The following DKK4 variants were observed in gnomAD, a reference collection of about 807,000 sequenced individuals.
DKK4 encodes dickkopf-related protein 4.
A neutral mutation model predicts 14.5 loss-of-function variants in DKK4; 15 were observed. The ratio of observed to expected loss-of-function variants is 1.03; its 90% CI spans 0.69 to 1.59. The LOEUF (loss-of-function observed/expected upper bound fraction) is 1.59. Ranked by LOEUF, DKK4 falls within the 40% of genes most tolerant of loss-of-function variation. The pLI is 0.00. For synonymous variants in DKK4, 89 were observed against 105.2 expected (o/e 0.85, Z 0.94); for missense variants, 272 against 280.3 (o/e 0.97, Z 0.21).
Position 42,374,832 on chromosome 8 carries a change from G to T in DKK4, c.344C>A (p.Thr115Lys). The T allele has an allele frequency of 6.2e-7, 1 of 1,614,192 alleles. No homozygotes were observed. The highest frequency in any genetic ancestry group is 1.1e-5 in the South Asian group (1 of 91,076). ...GTTTTCCTGGACTGGGTGCCCAGTT[G>T]TTCCTTCTGCATGTGTGCCATCTTG... is the stretch of plus-strand genomic sequence containing the variant. ...DEQDGTHAEG[T>K]TGHPVQENQP... Residue 115 changes from threonine to lysine, a missense_variant, in exon 3 of 4, where the codon ACA becomes AAA. Coordinates refer to ENST00000220812, the MANE Select transcript of DKK4 (RefSeq NM_014420.3).
intron 2 of DKK4, 152 bp downstream of exon 2, chr8:42,375,528 A>C: frequency 9.3e-7 from 1 of 1,071,294 alleles, no homozygotes; most frequent in East Asian, 2.6e-5. Context: ...AGAAAAAAAA[A>C]AAAAAGGAAA....
chr8:42,386,570 T>C, the DKK4 span, among the ~76,000 whole-genome samples: 3 of 152,156 alleles, frequency 2.0e-5, no homozygotes, highest in Non-Finnish European at 2.9e-5. Context: ...CGGCTCACTG[T>C]AGCCTCAACC....
chr8:42,381,649 C>T (rs192671445), upstream of DKK4, among the ~76,000 whole-genome samples: 85 of 152,290 alleles, frequency 5.6e-4, no homozygotes, highest in Non-Finnish European at 1.1e-3. Context: ...GCCAGCCTGT[C>T]ACAGCGCTTC....
Position 42,376,785 on chromosome 8 carries a change from A to C in DKK4, c.111+150T>G, listed in dbSNP as rs1824572490. 3 of 633,768 alleles carry C rather than the reference A, an allele frequency of 4.7e-6. No individual in the cohort carries two copies. The East Asian group carries it at 8.3e-5, about 17-fold the overall frequency. The allele number at this position is 633,768 out of a possible 1,614,324, so 39.3% of individuals were successfully genotyped here. ...CATTCACACTAAGGCCACTGATCCT[A>C]CCAGGATGCCCTCCCAAATCCGAAA... On this transcript the variant is annotated intron_variant, in intron 1 of 3. Coordinates refer to ENST00000220812, the MANE Select transcript of DKK4 (RefSeq NM_014420.3).
At chr8:42,388,529 C>A in the DKK4 span, among the ~76,000 whole-genome samples, 2 of 149,548 alleles carry the variant, frequency 1.3e-5, no homozygotes, top group Non-Finnish European at 2.9e-5. Context: ...CGCACCTGGT[C>A]TAAACTCCTT....
the DKK4 span, among the ~76,000 whole-genome samples, chr8:42,384,123 A>G: frequency 2.0e-5 from 3 of 151,920 alleles, no homozygotes; most frequent in Non-Finnish European, 4.4e-5. Flanking sequence ...CCATCTTTGG[A>G]TCTGAGTCCT....
At position 42,377,086 on chromosome 8, in the gene DKK4, G is replaced by T. The variant is rs781101745; in HGVS notation, c.-41C>A. ...CTCCTGGAGGGTCCCAGCACTGTGC[G>T]TCACCAAAGCGAGGCTGCTCTCCAC... is the stretch of plus-strand genomic sequence containing the variant. On this transcript the variant is annotated 5_prime_UTR_variant, in exon 1 of 4. Coordinates refer to ENST00000220812, the MANE Select transcript of DKK4 (RefSeq NM_014420.3). 26 of 1,555,830 alleles carry T rather than the reference G, an allele frequency of 1.7e-5. No homozygotes were observed. The South Asian group carries it at 2.9e-4, about 17-fold the overall frequency.
chr8:42,377,721 G>A (rs1824591133), upstream of DKK4, among the ~76,000 whole-genome samples: 2 of 152,174 alleles, frequency 1.3e-5, no homozygotes, highest in Non-Finnish European at 2.9e-5. Context: ...CCCCTGATTA[G>A]CTCTGGCATC....
the DKK4 span, among the ~76,000 whole-genome samples, chr8:42,386,777 C>G: frequency 6.6e-6 from 1 of 152,204 alleles, no homozygotes; most frequent in Non-Finnish European, 1.5e-5. Flanking sequence ...GCGTGAGCCA[C>G]CATGCCAGGC....
the DKK4 span, among the ~76,000 whole-genome samples, chr8:42,390,489 G>C: frequency 7.0e-6 from 1 of 142,854 alleles, no homozygotes; most frequent in South Asian, 2.3e-4. Context: ...TCAGCCTCCC[G>C]AGTAGCTGGG....
At chr8:42,382,793 C>A in the DKK4 span, among the ~76,000 whole-genome samples, 2 of 152,210 alleles carry the variant, frequency 1.3e-5, no homozygotes, top group Admixed American at 6.5e-5. Context: ...ACTGACTAAG[C>A]TTAGAGGAAA....
the DKK4 span, among the ~76,000 whole-genome samples, chr8:42,387,342 G>GTTT: frequency 1.1e-5 from 1 of 91,930 alleles, no homozygotes; most frequent in Non-Finnish European, 2.3e-5. Context: ...GTGAAGGCCA[G>GTTT]TCTTTTTTTT....
the DKK4 span, among the ~76,000 whole-genome samples, chr8:42,386,752 G>A: frequency 1.3e-5 from 2 of 152,106 alleles, no homozygotes; most frequent in African/African-American, 2.4e-5. Context: ...ACTTCCTGAG[G>A]TGCTGGGATT....
At chr8:42,376,689 T>C (rs1824571046) in intron 1 of DKK4, among the ~76,000 whole-genome samples, 3 of 152,170 alleles carry the variant, frequency 2.0e-5, no homozygotes, top group African/African-American at 7.2e-5. Context: ...TTCCAAAGTG[T>C]TCGTTTATTT....
In DKK4 at chr8:42,374,931, G is replaced by A. The variant is rs1824529805; in HGVS notation, c.263-18C>T. The A allele has an allele frequency of 6.2e-7, 1 of 1,613,884 alleles. No homozygotes were observed. Among genetic ancestry groups the A allele is most frequent in the South Asian group, 1.1e-5 (1 of 91,054 alleles). ...ACAAACATCTGAGGGACAACCAGGT[G>A]TAACTAGAATTATTAACTTCAAGGG... On this transcript the variant is annotated intron_variant, in intron 2 of 3. Coordinates refer to ENST00000220812, the MANE Select transcript of DKK4 (RefSeq NM_014420.3).
the DKK4 span, among the ~76,000 whole-genome samples, chr8:42,388,991 G>A: frequency 6.6e-6 from 1 of 152,230 alleles, no homozygotes; most frequent in Non-Finnish European, 1.5e-5. Context: ...CGTCCAGGCT[G>A]TAGCGCAGTG....
chr8:42,389,894 ATT>A, the DKK4 span, among the ~76,000 whole-genome samples: 18 of 144,716 alleles, frequency 1.2e-4, no homozygotes, highest in Non-Finnish European at 1.5e-4. Context: ...TATCCTTAGA[ATT>A]TTTTTTTTTT....
the DKK4 span, among the ~76,000 whole-genome samples, chr8:42,382,981 T>C: frequency 6.6e-6 from 1 of 152,178 alleles, no homozygotes; most frequent in Non-Finnish European, 1.5e-5. Context: ...CACTCGGGAA[T>C]GGAAATTTTT....
chr8:42,379,378 T>TATATATAGAG (rs1166847600), upstream of DKK4, among the ~76,000 whole-genome samples: 3 of 34,554 alleles, frequency 8.7e-5, no homozygotes, highest in African/African-American at 1.3e-4. Context: ...TATATATATA[T>TATATATAGAG]AGAGAGAGAG....
Sources: allele counts gnomAD v4.1 joint callset (sites outside exome capture counted in the v4.1 genomes callset), GRCh38; gene constraint gnomAD v4.1.1; transcripts MANE v1.5; gene names NCBI Gene and HGNC (gene_info 2026-07-23, HGNC 2026-07-21).